LHX8: variants seen among roughly 807,000 people sequenced by gnomAD.
The protein encoded by LHX8 is LIM homeobox 8, also known as LIM/homeobox protein Lhx8.
Under a neutral mutation model 40.3 loss-of-function variants are expected in LHX8, and 12 were observed. That is an observed-to-expected ratio of 0.30 (90% CI 0.19 to 0.48). The LOEUF (loss-of-function observed/expected upper bound fraction) is 0.48, where lower values mean the gene tolerates loss of function less well. LHX8 is among the 20% of genes least tolerant of loss of function. LHX8 has a pLI of 0.99. For synonymous variants in LHX8, 179 were observed against 162.0 expected (o/e 1.10, Z -0.80); for missense variants, 344 against 433.7 (o/e 0.79, Z 1.84).
the LHX8 span, among the ~76,000 whole-genome samples, chr1:75,177,237 G>A: frequency 6.6e-6 from 1 of 152,064 alleles, no homozygotes. Context: ...TGATGGGGAT[G>A]GCATTGAATC....
At chr1:75,137,050 C>G (rs1335336824) in intron 2 of LHX8, 50 bp from the exon 3 acceptor site, 1 of 1,541,552 alleles carries the variant, frequency 6.5e-7, no homozygotes, top group East Asian at 2.3e-5. Context: ...AGGTGGGATG[C>G]GAAGGGGAGG....
the LHX8 span, among the ~76,000 whole-genome samples, chr1:75,187,576 T>C: frequency 2.3e-4 from 35 of 152,148 alleles, no homozygotes; most frequent in East Asian, 6.8e-3. Flanking sequence ...GTGGGTTCAT[T>C]TGGAGAATTT....
chr1:75,172,247 A>C, the LHX8 span, among the ~76,000 whole-genome samples: 1 of 152,204 alleles, frequency 6.6e-6, no homozygotes, highest in Admixed American at 6.5e-5. Flanking sequence ...TGAGACCACT[A>C]TACCAGTCCT....
At position 75,161,002 on chromosome 1, in the gene LHX8, G is replaced by A. The variant is rs1318507407; in HGVS notation, c.*107G>A. 1 of 855,362 alleles carries A rather than the reference G, an allele frequency of 1.2e-6. No individual in the cohort carries two copies. Among genetic ancestry groups the A allele is most frequent in the Non-Finnish European group, 1.9e-6 (1 of 513,782 alleles). 53.0% of individuals were successfully genotyped at this position (855,362 alleles called of 1,614,324 possible). A position where few individuals can be genotyped will look rare whatever the true frequency, so the allele number is the denominator to read the frequency against. The stretch of plus-strand genomic sequence containing the variant: ...GTTAATTTTTTATTTAACACCTAAA[G>A]CATTTCCAACATCACTTTGCTGCCC... On this transcript the variant is annotated 3_prime_UTR_variant, in exon 9 of 9. Coordinates refer to ENST00000356261, the MANE Select transcript of LHX8 (RefSeq NM_001256114.2).
intron 5 of LHX8, 29 bp from the exon 6 acceptor site, chr1:75,143,816 A>G (rs1314446116): frequency 6.5e-7 from 1 of 1,526,736 alleles, no homozygotes; most frequent in Admixed American, 1.7e-5. Flanking sequence ...TTGAATTACC[A>G]ACATATATAG....
At chr1:75,142,240 A>G (rs1648335258) in intron 4 of LHX8, among the ~76,000 whole-genome samples, 1 of 152,044 alleles carries the variant, frequency 6.6e-6, no homozygotes, top group Non-Finnish European at 1.5e-5. Flanking sequence ...TGTCTTTAGG[A>G]TTCTATTTTT....
chr1:75,134,905 A>C lies in LHX8; in HGVS notation c.-62A>C, dbSNP rs1303874364. 4 of 984,860 alleles carry C rather than the reference A, an allele frequency of 4.1e-6. No individual in the cohort carries two copies. Among genetic ancestry groups the C allele is most frequent in the Admixed American group, 6.2e-5 (1 of 16,242 alleles). The allele number at this position is 984,860 out of a possible 1,614,324, so 61.0% of individuals were successfully genotyped here. On this transcript the variant is annotated 5_prime_UTR_variant, in exon 1 of 9. Coordinates refer to ENST00000356261, the MANE Select transcript of LHX8 (RefSeq NM_001256114.2). Reference sequence around the variant, plus strand: ...AGCTCACTTAACCTGAGACATGGAGACTGTAATTTGGGAGATGAAGCCTCG... The same window carrying C: ...AGCTCACTTAACCTGAGACATGGAGCCTGTAATTTGGGAGATGAAGCCTCG...
the LHX8 span, among the ~76,000 whole-genome samples, chr1:75,181,695 A>T: frequency 0.11 from 17,422 of 152,192 alleles, 1,630 homozygotes; most frequent in African/African-American, 0.25. Context: ...TGGCTCTCCA[A>T]GGGCTGCACC....
chr1:75,175,591 A>G, the LHX8 span, among the ~76,000 whole-genome samples: 1 of 151,864 alleles, frequency 6.6e-6, no homozygotes, highest in Non-Finnish European at 1.5e-5. Flanking sequence ...AAGTTTGGCC[A>G]TTTGTATTTC....
intron 4 of LHX8, 88 bp from the exon 5 acceptor site, chr1:75,143,030 G>A: frequency 2.0e-6 from 2 of 978,674 alleles, no homozygotes; most frequent in Non-Finnish European, 3.3e-6. Context: ...TTTCAATGGG[G>A]TAAGATAATG....
At chr1:75,170,445 C>T in the LHX8 span, among the ~76,000 whole-genome samples, 1 of 152,138 alleles carries the variant, frequency 6.6e-6, no homozygotes, top group Non-Finnish European at 1.5e-5. Context: ...CTACTTTGAT[C>T]AGCTTTTTAA....
chr1:75,157,248 A>G (rs1332720292), intron 8 of LHX8, among the ~76,000 whole-genome samples, 172 bp downstream of exon 8: 1 of 152,218 alleles, frequency 6.6e-6, no homozygotes, highest in Non-Finnish European at 1.5e-5. Flanking sequence ...TATTTCTGTG[A>G]TTACATTTTA....
intron 7 of LHX8, among the ~76,000 whole-genome samples, chr1:75,149,482 TTTGTTG>T (rs369217010): frequency 2.0e-5 from 3 of 151,960 alleles, no homozygotes; most frequent in Non-Finnish European, 4.4e-5. Context: ...GTAGTGTGGT[TTTGTTG>T]TTGTTGTTGT....
chr1:75,156,855 G>T (rs750496663), intron 7 of LHX8, 38 bp from the exon 8 acceptor site: 1 of 1,606,856 alleles, frequency 6.2e-7, no homozygotes, highest in Non-Finnish European at 8.5e-7. Flanking sequence ...AAGCTGGTGT[G>T]TAACCTACCT....
rs182437115 is a variant in LHX8 at position 75,155,499 on chromosome 1, G to A, written c.781-1394G>A. On this transcript the variant is annotated intron_variant, in intron 7 of 8. Coordinates refer to ENST00000356261, the MANE Select transcript of LHX8 (RefSeq NM_001256114.2). ...TTCGCCCGCCTTGGCCTCCCAAAGT[G>A]CTGGGATTACAGGAGTGAGCCACTG... 4.9e-3 allele frequency among the ~76,000 whole-genome samples: 750 copies of A among 152,226 alleles called. 4 individuals are homozygous for A. Among genetic ancestry groups the A allele is most frequent in the African/African-American group, 0.018 (731 of 41,564 alleles).
intron 6 of LHX8, among the ~76,000 whole-genome samples, chr1:75,147,546 G>A (rs1349751606): frequency 6.6e-6 from 1 of 152,196 alleles, no homozygotes; most frequent in African/African-American, 2.4e-5. Context: ...AGTGGAGAAT[G>A]CAATTAATTT....
chr1:75,156,806 G>A, intron 7 of LHX8, 87 bp from the exon 8 acceptor site: 1 of 1,180,794 alleles, frequency 8.5e-7, no homozygotes, highest in Admixed American at 1.7e-5. Context: ...TGTGATTGAG[G>A]TTGCATTCAT....
At chr1:75,185,502 CAT>C in the LHX8 span, among the ~76,000 whole-genome samples, 2 of 150,396 alleles carry the variant, frequency 1.3e-5, no homozygotes, top group Non-Finnish European at 3.0e-5. Flanking sequence ...AGGCAAAACA[CAT>C]ATGATTACCT....
rs1252136113 is a variant in LHX8 at position 75,148,072 on chromosome 1, C to CT, written c.685-506dup. ...CTGGTGAGTGTCTCTTTTTAGACACCTTTTTTTTTGCATAGAGCTAGTGCT... is the reference window on the plus strand; with the variant it reads ...CTGGTGAGTGTCTCTTTTTAGACACCTTTTTTTTTTGCATAGAGCTAGTGCT... On this transcript the variant is annotated intron_variant, in intron 6 of 8. Transcript: ENST00000356261. 2.5e-3 allele frequency among the ~76,000 whole-genome samples: 382 copies of CT among 150,840 alleles called. 2 individuals are homozygous for CT. The highest frequency in any genetic ancestry group is 7.8e-3 in the African/African-American group (321 of 41,144).
Sources: gnomAD v4.1 joint callset for allele counts (sites outside exome capture counted in the v4.1 genomes callset) on GRCh38, gnomAD v4.1.1 for gene constraint, MANE v1.5 for transcripts, NCBI Gene and HGNC (gene_info 2026-07-23, HGNC 2026-07-21) for gene names.